The following PCNT variants were observed in gnomAD, a reference collection of about 807,000 sequenced individuals.
PCNT encodes the protein kendrin.
In PCNT, 319 loss-of-function variants were observed where a neutral mutation model predicts 380.4. The ratio of observed to expected loss-of-function variants is 0.84; its 90% CI spans 0.77 to 0.92. PCNT has a LOEUF of 0.92. Ranked by LOEUF, PCNT falls within the 40% of genes least tolerant of loss-of-function variation. The probability of loss-of-function intolerance (pLI) is 0.00; values close to 1 mark genes in which losing one functional copy is unlikely to be tolerated. For synonymous variants in PCNT, 1,845 were observed against 1,735.2 expected (o/e 1.06, Z -1.57); for missense variants, 4,400 against 4,255.3 (o/e 1.03, Z -0.95).
Position 46,425,954 on chromosome 21 carries a change from C to T in PCNT, c.7303C>T (p.His2435Tyr). The change falls in exon 33 of 47, where the codon CAT (histidine) becomes TAT (tyrosine). Residue 2435 changes from histidine to tyrosine, a missense_variant. By Grantham distance (83) the His-to-Tyr change is moderately conservative. Transcript: ENST00000359568. This position sits in a 1 kb window ranked among gnomAD's most constrained non-coding sequence, Gnocchi z 4.2. ...KEDEIQDISL[H>Y]GGKTQEVPTA... ...AGACGAGATACAGGACATCTCGCTC[C>T]ATGGGGGAAAGACGCAGGTTTATTT... 6.2e-7 allele frequency: 1 copy of T among 1,614,030 alleles called. No homozygotes were observed. The highest frequency in any genetic ancestry group is 1.3e-5 in the African/African-American group (1 of 75,020).
intron 13 of PCNT, among the ~76,000 whole-genome samples, chr21:46,360,707 A>G (rs954968097): frequency 6.6e-6 from 1 of 150,970 alleles, no homozygotes; most frequent in Non-Finnish European, 1.5e-5. Flanking sequence ...TTTAGTAGAG[A>G]CGGGGTTTCA....
Position 46,382,287 on chromosome 21 carries a change from T to C in PCNT, c.3312+447T>C, listed in dbSNP as rs537177684. Among the ~76,000 whole-genome samples, 2 of 147,548 alleles carry C rather than the reference T, an allele frequency of 1.4e-5. 1 individual carries two copies. The highest frequency in any genetic ancestry group is 4.9e-5 in the African/African-American group (2 of 40,500). On this transcript the variant is annotated intron_variant, in intron 16 of 46. Transcript: ENST00000359568. ...TGTGCATTCAGTGGTGGAAGCGCAT[T>C]CATGGTGTTGTGCATTCAGTGGTGG...
Position 46,438,348 on chromosome 21 carries a change from G to A in PCNT, c.9273+11G>A. The A allele has an allele frequency of 1.2e-6, 2 of 1,612,864 alleles. No homozygotes were observed. Among genetic ancestry groups the A allele is most frequent in the Non-Finnish European group, 1.7e-6 (2 of 1,179,058 alleles). On this transcript the variant is annotated intron_variant, in intron 41 of 46. Coordinates refer to ENST00000359568, the MANE Select transcript of PCNT (RefSeq NM_006031.6). ...GGCTGCAGCCCAAGCGTAGGTGTCTGTGCTTAACTCTTACCTGCCTCAGCC... is the reference window on the plus strand; with the variant it reads ...GGCTGCAGCCCAAGCGTAGGTGTCTATGCTTAACTCTTACCTGCCTCAGCC...
chr21:46,409,310 T>C (rs1373544106), intron 27 of PCNT, among the ~76,000 whole-genome samples: 2 of 150,496 alleles, frequency 1.3e-5, no homozygotes, highest in Non-Finnish European at 3.0e-5. Flanking sequence ...TGTCTCAGCC[T>C]CCTGAGTAGC....
chr21:46,402,447 C>T lies in PCNT; in HGVS notation c.5079C>T (p.Ser1693=), dbSNP rs377039885. ...LDMQNSQTAV[S]LRELEEENTS... is the part of the protein sequence containing the mutation. Reference sequence around the variant, plus strand: ...TGCAGAACAGCCAGACTGCTGTCAGCCTCAGAGAACTTGAGGAAGAGAACA... The same window carrying T: ...TGCAGAACAGCCAGACTGCTGTCAGTCTCAGAGAACTTGAGGAAGAGAACA... The change falls in exon 27 of 47, where the codon AGC becomes AGT. Residue 1693 remains serine, a synonymous_variant. Transcript: ENST00000359568. 1.9e-5 allele frequency: 31 copies of T among 1,614,022 alleles called. No homozygotes were observed. In the African/African-American group the frequency reaches 2.9e-4, roughly 15 times the overall value.
intron 25 of PCNT, among the ~76,000 whole-genome samples, chr21:46,401,179 T>C (rs1234793159): frequency 6.6e-6 from 1 of 152,214 alleles, no homozygotes; most frequent in African/African-American, 2.4e-5. Context: ...GTTTGAAAAA[T>C]TTTTTCTAGG....
rs1443030693 is a variant in PCNT at position 46,425,177 on chromosome 21, G to A, written c.7180-654G>A. Among the ~76,000 whole-genome samples the A allele has an allele frequency of 4.6e-5, 7 of 152,306 alleles. No individual in the cohort carries two copies. The South Asian group carries it at 8.3e-4, about 18-fold the overall frequency. On this transcript the variant is annotated intron_variant, in intron 32 of 46. Transcript: ENST00000359568. The surrounding 1 kb of genome is among the most constrained non-coding windows in gnomAD (Gnocchi z 4.2). ...GTGACACCAGCTTCTCCATAGGGCC[G>A]TCTGCTTACCCCTCAGCCTCTCTGG...
Position 46,334,759 on chromosome 21 carries a change from G to C in PCNT, c.630G>C (p.Met210Ile), listed in dbSNP as rs2083679099. 6.2e-7 allele frequency: 1 copy of C among 1,614,138 alleles called. No individual in the cohort carries two copies. The highest frequency in any genetic ancestry group is 8.5e-7 in the Non-Finnish European group (1 of 1,180,052). Residue 210 changes from methionine to isoleucine, a missense_variant, in exon 3 of 47, where the codon ATG (methionine) becomes ATC (isoleucine). Coordinates refer to ENST00000359568, the MANE Select transcript of PCNT (RefSeq NM_006031.6). The stretch of plus-strand genomic sequence containing the variant: ...ACCACCCAGCAGAACAGCGTGGGAT[G>C]TTCACAAAGGTATTCTTTAAGTTCT... Reference protein sequence around the residue: ...ISDHPAEQRGMFTKECEQECE... With the variant: ...ISDHPAEQRGIFTKECEQECE...
At position 46,363,576 on chromosome 21, in the gene PCNT, G is replaced by A. The variant is rs1194224277; in HGVS notation, c.2251G>A (p.Asp751Asn). The A allele has an allele frequency of 6.2e-7, 1 of 1,614,154 alleles. No individual in the cohort carries two copies. Among genetic ancestry groups the A allele is most frequent in the Non-Finnish European group, 8.5e-7 (1 of 1,180,018 alleles). The stretch of plus-strand genomic sequence containing the variant: ...ACAGGAATTCCAAAGAAAAGAAACG[G>A]ACTGGAAAGTTATGAAGGAGGAGCT... ...MKQEFQRKETDWKVMKEELQR... is the reference protein window; with the variant it reads ...MKQEFQRKETNWKVMKEELQR... Residue 751 changes from aspartate (D) to asparagine (N), a missense_variant, in exon 14 of 47, where the codon GAC becomes AAC. Asp to Asn is a conservative substitution (Grantham distance 23). Coordinates refer to ENST00000359568, the MANE Select transcript of PCNT (RefSeq NM_006031.6).
intron 40 of PCNT, 41 bp downstream of exon 40, chr21:46,437,122 C>T (rs1204516501): frequency 7.4e-7 from 1 of 1,355,962 alleles, no homozygotes; most frequent in Non-Finnish European, 1.1e-6. Flanking sequence ...CTGGCTCCTC[C>T]CCCAGAGGGG....
chr21:46,423,872 G>A (rs1279710489), intron 32 of PCNT, among the ~76,000 whole-genome samples: 3 of 151,050 alleles, frequency 2.0e-5, no homozygotes, highest in Non-Finnish European at 4.4e-5. Flanking sequence ...AGGAACTGCT[G>A]TCCAGGGAGC....
chr21:46,430,321 G>A (rs1025066770), intron 36 of PCNT, 89 bp downstream of exon 36: 29 of 1,422,156 alleles, frequency 2.0e-5, no homozygotes, highest in African/African-American at 2.8e-5. Flanking sequence ...AGAACCTCTG[G>A]TGGGCCGCAG....
At chr21:46,392,658 C>G (rs1456002828) in intron 21 of PCNT, among the ~76,000 whole-genome samples, 2 of 152,248 alleles carry the variant, frequency 1.3e-5, no homozygotes, top group Admixed American at 6.5e-5. Context: ...GTGTTGACAT[C>G]TGGGTCCCAC....
intron 43 of PCNT, among the ~76,000 whole-genome samples, chr21:46,442,002 A>G (rs1376463250): frequency 6.6e-6 from 1 of 152,016 alleles, no homozygotes; most frequent in Non-Finnish European, 1.5e-5. Context: ...CTGCACACTG[A>G]CCTGCATGCC....
chr21:46,419,859 G>A (rs2087175815), intron 31 of PCNT, among the ~76,000 whole-genome samples: 2 of 152,148 alleles, frequency 1.3e-5, no homozygotes, highest in African/African-American at 4.8e-5. Flanking sequence ...TCCCACCTTA[G>A]CCTCCCAAAG....
At chr21:46,421,934 G>T (rs753135407) in intron 31 of PCNT, 36 bp from the exon 32 acceptor site, 69 of 1,611,362 alleles carry the variant, frequency 4.3e-5, no homozygotes, top group African/African-American at 1.3e-5. Flanking sequence ...CCCCTGGAGA[G>T]CTGTGGGTGG....
Position 46,427,845 on chromosome 21 carries a change from C to T in PCNT, c.7494+50C>T, listed in dbSNP as rs760203542. On this transcript the variant is annotated intron_variant, in intron 34 of 46. Coordinates refer to ENST00000359568, the MANE Select transcript of PCNT (RefSeq NM_006031.6). The stretch of plus-strand genomic sequence containing the variant: ...CCTCAGTTTGCCCCAGGGGTCCAGC[C>T]CTGGCAGAGAGGGTGACACAGACTG... The T allele has an allele frequency of 2.5e-6, 4 of 1,589,380 alleles. No individual in the cohort carries two copies. In the South Asian group the frequency reaches 4.4e-5, roughly 18 times the overall value.
rs904086802 is a variant in PCNT, at chr21:46,445,521, A to C, written c.*194A>C. ...AAGCCAGCTGGAGCATTTTCTATGG[A>C]GCCTCCGTATGTTTTAGGCCCATGA... On this transcript the variant is annotated 3_prime_UTR_variant, in exon 47 of 47. Coordinates refer to ENST00000359568, the MANE Select transcript of PCNT (RefSeq NM_006031.6). 1.5e-4 allele frequency: 95 copies of C among 628,694 alleles called. No individual in the cohort carries two copies. The highest frequency in any genetic ancestry group is 6.5e-4 in the Middle Eastern group (2 of 3,072). 38.9% of individuals were successfully genotyped at this position (628,694 alleles called of 1,614,324 possible).
At chr21:46,409,370 G>C (rs1408835797) in intron 27 of PCNT, among the ~76,000 whole-genome samples, 2 of 151,674 alleles carry the variant, frequency 1.3e-5, no homozygotes, top group African/African-American at 4.8e-5. Flanking sequence ...TGTATTTTTA[G>C]TAGAGACGGG....
Sources: gnomAD v4.1 joint callset for allele counts (sites outside exome capture counted in the v4.1 genomes callset) on GRCh38, gnomAD v4.1.1 for gene constraint, Gnocchi (gnomAD v3.1) non-coding constraint, MANE v1.5 for transcripts, NCBI Gene and HGNC (gene_info 2026-07-23, HGNC 2026-07-21) for gene names.